The following MPPED2 variants were observed in gnomAD, a reference collection of about 807,000 sequenced individuals.
The protein encoded by MPPED2 is metallophosphoesterase MPPED2.
A neutral mutation model predicts 33.0 loss-of-function variants in MPPED2; 5 were observed. That is an observed-to-expected ratio of 0.15 (90% confidence interval 0.08 to 0.32). MPPED2 has a LOEUF of 0.32. Ranked by LOEUF, MPPED2 falls within the 10% of genes least tolerant of loss-of-function variation. The probability of loss-of-function intolerance (pLI) is 1.00; values close to 1 mark genes in which losing one functional copy is unlikely to be tolerated. For missense variants in MPPED2, 275 were observed against 372.1 expected, an observed-to-expected ratio of 0.74 and a Z score of 2.15; for synonymous variants, 136 against 141.9, an observed-to-expected ratio of 0.96 and a Z score of 0.29.
rs76423811 is a variant in MPPED2, at chr11:30,528,760, C to T, written c.310+7234G>A. Among the ~76,000 whole-genome samples the T allele has an allele frequency of 2.4e-3, 359 of 152,240 alleles. 3 individuals are homozygous for T. Among genetic ancestry groups the T allele is most frequent in the African/African-American group, 8.1e-3 (337 of 41,534 alleles). ...AGTGTGTGCCACTGCATCCAGCTAT[C>T]GTCATCTTTTAAAACCCTTTAAAGG... On this transcript the variant is annotated intron_variant, in intron 3 of 6. Coordinates refer to ENST00000358117, the MANE Select transcript of MPPED2 (RefSeq NM_001584.3).
chr11:30,424,343 G>A (rs1007587435), intron 4 of MPPED2, among the ~76,000 whole-genome samples: 3 of 152,118 alleles, frequency 2.0e-5, no homozygotes, highest in African/African-American at 4.8e-5. Context: ...TTTCACATAC[G>A]CTTTCTTTTC....
At chr11:30,419,190 C>T (rs1343825965) in intron 4 of MPPED2, among the ~76,000 whole-genome samples, 6 of 152,122 alleles carry the variant, frequency 3.9e-5, no homozygotes, top group Admixed American at 2.0e-4. Flanking sequence ...ATTTAAGCCT[C>T]GCAGCAAACT....
intron 4 of MPPED2, among the ~76,000 whole-genome samples, chr11:30,442,398 G>A (rs1041962302): frequency 6.6e-6 from 1 of 152,220 alleles, no homozygotes; most frequent in Non-Finnish European, 1.5e-5. Flanking sequence ...CCCACTATGT[G>A]TGAAAAAGTA....
intron 6 of MPPED2, among the ~76,000 whole-genome samples, chr11:30,404,598 C>T (rs980565716): frequency 2.6e-5 from 4 of 152,324 alleles, no homozygotes; most frequent in African/African-American, 9.6e-5. Flanking sequence ...CGCACGTCCC[C>T]ATATCTATGG....
At chr11:30,506,932 A>C (rs1163380914) in intron 3 of MPPED2, among the ~76,000 whole-genome samples, 1 of 152,268 alleles carries the variant, frequency 6.6e-6, no homozygotes, top group Non-Finnish European at 1.5e-5. Context: ...CTGCGTTAAC[A>C]GCGCCACTGG....
intron 4 of MPPED2, chr11:30,468,854 T>C (rs908329002): frequency 2.0e-5 from 3 of 152,236 alleles, no homozygotes; most frequent in African/African-American, 7.2e-5. Flanking sequence ...ACCCTTGTAA[T>C]TCACTCCACC....
intron 3 of MPPED2, among the ~76,000 whole-genome samples, chr11:30,499,658 G>A (rs1193354933): frequency 6.6e-6 from 1 of 151,990 alleles, no homozygotes; most frequent in Non-Finnish European, 1.5e-5. Flanking sequence ...AACAACCCTT[G>A]ACACATACAC....
At chr11:30,514,779 C>T (rs1033848092) in intron 3 of MPPED2, among the ~76,000 whole-genome samples, 5 of 152,082 alleles carry the variant, frequency 3.3e-5, no homozygotes, top group African/African-American at 1.2e-4. Context: ...ACCAACACAT[C>T]CAATATTTAC....
At chr11:30,564,165 T>A (rs1484520965) in intron 2 of MPPED2, among the ~76,000 whole-genome samples, 1 of 152,146 alleles carries the variant, frequency 6.6e-6, no homozygotes, top group African/African-American at 2.4e-5. Context: ...CTACTAAGCA[T>A]TTTGTATTTT....
chr11:30,436,437 T>C (rs1258033441), intron 4 of MPPED2, among the ~76,000 whole-genome samples: 1 of 152,174 alleles, frequency 6.6e-6, no homozygotes, highest in Non-Finnish European at 1.5e-5. Context: ...GACCAGAGTT[T>C]AAGAAGCACT....
chr11:30,478,055 T>C (rs1007727303), intron 4 of MPPED2, among the ~76,000 whole-genome samples: 5 of 152,072 alleles, frequency 3.3e-5, no homozygotes, highest in Non-Finnish European at 7.4e-5. Context: ...ATTTTAGCCA[T>C]ATCATGAAAC....
intron 6 of MPPED2, among the ~76,000 whole-genome samples, chr11:30,395,452 C>T (rs1354993572): frequency 6.6e-6 from 1 of 152,174 alleles, no homozygotes; most frequent in Non-Finnish European, 1.5e-5. Flanking sequence ...TCCTACTACA[C>T]AATGGTTCAT....
intron 4 of MPPED2, among the ~76,000 whole-genome samples, chr11:30,463,147 C>T (rs1313145367): frequency 2.6e-5 from 4 of 152,134 alleles, no homozygotes; most frequent in Non-Finnish European, 5.9e-5. Context: ...TATCTCACTA[C>T]GAAGGTTTTC....
At chr11:30,569,414 C>A (rs930653688) in intron 2 of MPPED2, among the ~76,000 whole-genome samples, 1 of 152,152 alleles carries the variant, frequency 6.6e-6, no homozygotes, top group African/African-American at 2.4e-5. Context: ...GGAGTCAACA[C>A]CTCCTAGCCT....
At position 30,492,706 on chromosome 11, in the gene MPPED2, T is replaced by G. The variant is rs1445671576; in HGVS notation, c.536+2590A>C. Reference sequence around the variant, plus strand: ...CACACATTAAAAAAATAAATTGACGTACCTTACTAAATAAAGCTAGGTATA... The same window carrying G: ...CACACATTAAAAAAATAAATTGACGGACCTTACTAAATAAAGCTAGGTATA... On this transcript the variant is annotated intron_variant, in intron 4 of 6. Coordinates refer to ENST00000358117, the MANE Select transcript of MPPED2 (RefSeq NM_001584.3). Among the ~76,000 whole-genome samples, 5 of 63,000 alleles carry G rather than the reference T, an allele frequency of 7.9e-5. No individual in the cohort carries two copies. The East Asian group carries it at 6.7e-3, about 85-fold the overall frequency. The allele number at this position is 63,000 out of a possible 152,430, so 41.3% of individuals were successfully genotyped here.
chr11:30,410,729 T>C lies in MPPED2; in HGVS notation c.*739A>G. 1.0e-6 allele frequency: 1 copy of C among 984,072 alleles called. No individual in the cohort carries two copies. The highest frequency in any genetic ancestry group is 1.2e-6 in the Non-Finnish European group (1 of 828,274). The allele number at this position is 984,072 out of a possible 1,614,324, so 61.0% of individuals were successfully genotyped here. On this transcript the variant is annotated 3_prime_UTR_variant, in exon 7 of 7. Coordinates refer to ENST00000358117, the MANE Select transcript of MPPED2 (RefSeq NM_001584.3). ...AAATACTTATATATATAAACCCATA[T>C]TGAAAAGGAGTCTGCATGTTCATTT...
At chr11:30,396,264 T>A (rs1387793491) in intron 6 of MPPED2, among the ~76,000 whole-genome samples, 2 of 152,182 alleles carry the variant, frequency 1.3e-5, no homozygotes, top group African/African-American at 4.8e-5. Context: ...AGAAGCCTTT[T>A]GAATGCCCCA....
At chr11:30,562,760 C>T (rs1017725342) in intron 2 of MPPED2, among the ~76,000 whole-genome samples, 16 of 152,182 alleles carry the variant, frequency 1.1e-4, no homozygotes, top group South Asian at 8.3e-4. Flanking sequence ...GTAGGCCATA[C>T]GTAAAATTCT....
At chr11:30,545,125 C>A (rs1955340501) in intron 2 of MPPED2, among the ~76,000 whole-genome samples, 1 of 152,072 alleles carries the variant, frequency 6.6e-6, no homozygotes, top group African/African-American at 2.4e-5. Flanking sequence ...GGGGCTTGAA[C>A]CTGGAGGGCA....
Sources: allele counts gnomAD v4.1 joint callset (sites outside exome capture counted in the v4.1 genomes callset), GRCh38; gene constraint gnomAD v4.1.1; transcripts MANE v1.5; gene names NCBI Gene and HGNC (gene_info 2026-07-23, HGNC 2026-07-21).